INPP4B: variants seen among roughly 807,000 people sequenced by gnomAD.
INPP4B encodes inositol polyphosphate 4-phosphatase type II.
In INPP4B, 55 loss-of-function variants were observed where a neutral mutation model predicts 122.5. That is an observed-to-expected ratio of 0.45 (90% CI 0.36 to 0.56). The LOEUF (loss-of-function observed/expected upper bound fraction) is 0.56, where lower values mean the gene tolerates loss of function less well. Ranked by LOEUF, INPP4B falls within the 20% of genes least tolerant of loss-of-function variation. The probability of loss-of-function intolerance (pLI) is 0.00; values close to 1 mark genes in which losing one functional copy is unlikely to be tolerated. For missense variants in INPP4B, 1,000 were observed against 1,097.7 expected, an observed-to-expected ratio of 0.91 and a Z score of 1.26; for synonymous variants, 403 against 388.7, an observed-to-expected ratio of 1.04 and a Z score of -0.43.
intron 7 of INPP4B, among the ~76,000 whole-genome samples, chr4:142,351,996 C>T (rs186409797): frequency 1.3e-5 from 2 of 151,990 alleles, no homozygotes; most frequent in African/African-American, 2.4e-5. Flanking sequence ...TGCTTGCTGC[C>T]AGATATTCTA....
At chr4:142,380,007 T>C (rs1579901255) in intron 7 of INPP4B, among the ~76,000 whole-genome samples, 1 of 152,310 alleles carries the variant, frequency 6.6e-6, no homozygotes, top group East Asian at 1.9e-4. Context: ...ATGAAGTAAA[T>C]ATCTCAGAGT....
chr4:142,023,302 G>T lies in INPP4B; in HGVS notation c.*5480C>A, dbSNP rs1327320320. On this transcript the variant is annotated 3_prime_UTR_variant, in exon 26 of 26. Transcript: ENST00000262992. Reference sequence around the variant, plus strand: ...ATTTATGCCTAGAAAAAATTTCTAGGAATACACATTATTGATTCATCTAAA... The same window carrying T: ...ATTTATGCCTAGAAAAAATTTCTAGTAATACACATTATTGATTCATCTAAA... The T allele has an allele frequency of 6.6e-6, 1 of 151,844 alleles. No individual in the cohort carries two copies. Among genetic ancestry groups the T allele is most frequent in the African/African-American group, 2.4e-5 (1 of 41,330 alleles). 9.4% of individuals were successfully genotyped at this position (151,844 alleles called of 1,614,324 possible).
chr4:142,544,119 G>A (rs1462519470), intron 2 of INPP4B, among the ~76,000 whole-genome samples: 2 of 5,040 alleles, frequency 4.0e-4, no homozygotes, highest in African/African-American at 7.2e-4. Flanking sequence ...AATACTGCAT[G>A]GTGTGTGTGT....
At chr4:142,029,077 C>T in intron 25 of INPP4B, 163 bp from the exon 26 acceptor site, 2 of 1,390,916 alleles carry the variant, frequency 1.4e-6, no homozygotes, top group Non-Finnish European at 1.9e-6. Context: ...AAAATTAAAT[C>T]CTAGGCCAGG....
chr4:142,161,366 G>A (rs1016392514), intron 16 of INPP4B, among the ~76,000 whole-genome samples: 1 of 151,976 alleles, frequency 6.6e-6, no homozygotes, highest in Admixed American at 6.6e-5. Flanking sequence ...GAAGGGTGCA[G>A]TAATTACTTC....
intron 7 of INPP4B, among the ~76,000 whole-genome samples, chr4:142,376,935 T>C (rs1167901276): frequency 6.6e-6 from 1 of 152,070 alleles, no homozygotes; most frequent in Non-Finnish European, 1.5e-5. Context: ...ATTTATTTGT[T>C]CTCTATTTTA....
intron 1 of INPP4B, among the ~76,000 whole-genome samples, chr4:142,801,203 C>A (rs1315209455): frequency 6.6e-6 from 1 of 152,162 alleles, no homozygotes; most frequent in African/African-American, 2.4e-5. Flanking sequence ...GTAATCTAAG[C>A]AGGAGATGAT....
At chr4:142,810,104 A>G (rs1410648201) in intron 1 of INPP4B, among the ~76,000 whole-genome samples, 2 of 147,124 alleles carry the variant, frequency 1.4e-5, no homozygotes, top group Non-Finnish European at 3.0e-5. Flanking sequence ...CAAGAGATGG[A>G]GGTTGCAGTG....
At chr4:142,469,286 C>A in intron 2 of INPP4B, among the ~76,000 whole-genome samples, 1 of 151,850 alleles carries the variant, frequency 6.6e-6, no homozygotes, top group East Asian at 1.9e-4. Flanking sequence ...CTATAATAAT[C>A]CAAATTACTA....
chr4:142,643,289 A>G (rs1185720956), intron 2 of INPP4B, among the ~76,000 whole-genome samples: 1 of 152,214 alleles, frequency 6.6e-6, no homozygotes, highest in Middle Eastern at 3.2e-3. Context: ...AAAAAACAAG[A>G]TAGACAAGAA....
intron 2 of INPP4B, among the ~76,000 whole-genome samples, chr4:142,539,502 C>A (rs1828684618): frequency 6.6e-6 from 1 of 151,984 alleles, no homozygotes; most frequent in Non-Finnish European, 1.5e-5. Flanking sequence ...GCAAAGAACA[C>A]AATTTAAGGT....
intron 1 of INPP4B, among the ~76,000 whole-genome samples, chr4:142,746,559 G>C (rs769297629): frequency 2.0e-5 from 3 of 152,100 alleles, no homozygotes; most frequent in Non-Finnish European, 4.4e-5. Context: ...AGCCTGCATA[G>C]CCAAGACAAT....
intron 25 of INPP4B, among the ~76,000 whole-genome samples, chr4:142,059,834 A>G (rs534448234): frequency 2.5e-4 from 38 of 152,254 alleles, no homozygotes; most frequent in African/African-American, 7.7e-4. Context: ...TCACTTTCCA[A>G]TTCTGTACTC....
intron 2 of INPP4B, among the ~76,000 whole-genome samples, chr4:142,508,221 T>C (rs1824260889): frequency 6.6e-6 from 1 of 152,130 alleles, no homozygotes; most frequent in Admixed American, 6.6e-5. Flanking sequence ...TGACCAGCCT[T>C]GCCCCTACAA....
intron 2 of INPP4B, among the ~76,000 whole-genome samples, chr4:142,649,778 T>C (rs978967751): frequency 1.3e-5 from 2 of 152,230 alleles, no homozygotes; most frequent in South Asian, 2.1e-4. Flanking sequence ...TGGATCCAAG[T>C]TGAAAAACGC....
chr4:142,697,393 A>G (rs1299548677), intron 2 of INPP4B, among the ~76,000 whole-genome samples: 1 of 152,218 alleles, frequency 6.6e-6, no homozygotes, highest in Non-Finnish European at 1.5e-5. Flanking sequence ...TGAATTATAT[A>G]CATGAGTGAA....
intron 2 of INPP4B, among the ~76,000 whole-genome samples, chr4:142,543,746 A>G (rs1172180725): frequency 6.6e-6 from 1 of 152,170 alleles, no homozygotes; most frequent in Non-Finnish European, 1.5e-5. Context: ...TCTCAACAGA[A>G]TATATATTGT....
chr4:142,293,030 T>C (rs1469166594), intron 9 of INPP4B, among the ~76,000 whole-genome samples: 1 of 128,130 alleles, frequency 7.8e-6, no homozygotes, highest in East Asian at 2.8e-4. Context: ...AATTACCTAA[T>C]TTTTATACCC....
chr4:142,066,696 G>T (rs763338411), intron 25 of INPP4B, among the ~76,000 whole-genome samples: 1 of 152,210 alleles, frequency 6.6e-6, no homozygotes, highest in Non-Finnish European at 1.5e-5. Flanking sequence ...GGCTCCGAGG[G>T]TCCCACACCC....
Sources: allele counts gnomAD v4.1 joint callset (sites outside exome capture counted in the v4.1 genomes callset), GRCh38; gene constraint gnomAD v4.1.1; transcripts MANE v1.5; gene names NCBI Gene and HGNC (gene_info 2026-07-23, HGNC 2026-07-21).